The following GSE1 variants were observed in gnomAD, a reference collection of about 807,000 sequenced individuals.
GSE1 encodes the protein genetic suppressor element 1.
Under a neutral mutation model 112.6 loss-of-function variants are expected in GSE1, and 32 were observed. The observed-to-expected ratio is 0.28, with a 90% CI of 0.21 to 0.38. The LOEUF is 0.38. Ranked by LOEUF, GSE1 falls within the 10% of genes least tolerant of loss-of-function variation. GSE1 has a pLI of 1.00. For synonymous variants in GSE1, 1,115 were observed against 735.6 expected (o/e 1.52, Z -8.35); for missense variants, 2,348 against 1,699.2 (o/e 1.38, Z -6.71).
intron 1 of GSE1, among the ~76,000 whole-genome samples, chr16:85,563,742 G>T (rs948180992): frequency 1.3e-5 from 2 of 152,218 alleles, no homozygotes; most frequent in African/African-American, 4.8e-5. Flanking sequence ...GTGGGGTCAG[G>T]AAGTCACGGA....
intron 1 of GSE1, among the ~76,000 whole-genome samples, chr16:85,246,203 A>AC (rs1334812172): frequency 1.9e-4 from 8 of 41,810 alleles, no homozygotes; most frequent in Non-Finnish European, 4.8e-4. Flanking sequence ...GGGACCCTAC[A>AC]CACACACACA....
At chr16:85,416,177 C>T (rs1380249283) in intron 2 of GSE1, among the ~76,000 whole-genome samples, 1 of 152,110 alleles carries the variant, frequency 6.6e-6, no homozygotes, top group African/African-American at 2.4e-5. Flanking sequence ...ATTGACAAGC[C>T]AGATGTATTT....
intron 2 of GSE1, among the ~76,000 whole-genome samples, chr16:85,369,021 C>T (rs1430203448): frequency 1.3e-5 from 2 of 152,142 alleles, no homozygotes; most frequent in Admixed American, 1.3e-4. Flanking sequence ...AAGAAGTCAC[C>T]GTGGACTTGG....
At chr16:85,571,402 C>A (rs1388566334) in intron 1 of GSE1, among the ~76,000 whole-genome samples, 1 of 152,256 alleles carries the variant, frequency 6.6e-6, no homozygotes, top group Non-Finnish European at 1.5e-5. Context: ...CCATCTTGAG[C>A]CCCCAACAGC....
rs1224363892 is a variant in GSE1 at position 85,661,545 on chromosome 16, G to A, written c.2040G>A (p.Lys680=). The part of the protein sequence containing the change: ...GPGPFLAELE[K]STQTILGQQR... Reference sequence around the variant, plus strand: ...GGCCCTTCCTGGCTGAGCTCGAGAAGTCCACCCAGACCATCCTGGGCCAGC... The same window carrying A: ...GGCCCTTCCTGGCTGAGCTCGAGAAATCCACCCAGACCATCCTGGGCCAGC... The change falls in exon 9 of 16, where the codon AAG becomes AAA. Residue 680 remains lysine, a synonymous_variant. Coordinates refer to ENST00000253458, the MANE Select transcript of GSE1 (RefSeq NM_014615.5). 1.9e-6 allele frequency: 3 copies of A among 1,611,902 alleles called. No homozygotes were observed. Among genetic ancestry groups the A allele is most frequent in the East Asian group, 4.5e-5 (2 of 44,860 alleles).
chr16:85,445,175 C>T (rs1193843956), intron 2 of GSE1, among the ~76,000 whole-genome samples: 1 of 152,248 alleles, frequency 6.6e-6, no homozygotes, highest in Non-Finnish European at 1.5e-5. Flanking sequence ...GGGTGCCACA[C>T]ACCTGACTGC....
At chr16:85,619,133 G>A (rs146860026) in intron 1 of GSE1, among the ~76,000 whole-genome samples, 3 of 152,228 alleles carry the variant, frequency 2.0e-5, no homozygotes, top group African/African-American at 7.2e-5. Flanking sequence ...TTTAACAACC[G>A]GAGGTTCTTT....
rs1225358619 is a variant in GSE1 at position 85,675,092 on chromosome 16, C to T, written c.*2553C>T. 1 of 152,250 alleles carries T rather than the reference C, an allele frequency of 6.6e-6. No homozygotes were observed. Among genetic ancestry groups the T allele is most frequent in the Non-Finnish European group, 1.5e-5 (1 of 68,038 alleles). 9.4% of individuals were successfully genotyped at this position (152,250 alleles called of 1,614,324 possible). A position where few individuals can be genotyped will look rare whatever the true frequency, so the allele number is the denominator to read the frequency against. On this transcript the variant is annotated 3_prime_UTR_variant, in exon 16 of 16. Coordinates refer to ENST00000253458, the MANE Select transcript of GSE1 (RefSeq NM_014615.5). ...TTTGAAAACTTACTTTCAGATTATT[C>T]TCAAAGAACACAGTAGCACCTAAAT...
At chr16:85,568,463 C>T (rs2045850667) in intron 1 of GSE1, among the ~76,000 whole-genome samples, 1 of 152,182 alleles carries the variant, frequency 6.6e-6, no homozygotes, top group African/African-American at 2.4e-5. Context: ...ATGGGAGTGC[C>T]TTTTAGGGAG....
chr16:85,559,904 G>A (rs984431069), intron 1 of GSE1, among the ~76,000 whole-genome samples: 3 of 152,086 alleles, frequency 2.0e-5, no homozygotes, highest in Non-Finnish European at 2.9e-5. Flanking sequence ...GACTGGCCAC[G>A]CCTAAAATCT....
rs927498797 is a variant in GSE1 at position 85,305,162 on chromosome 16, G to A, written c.2284-52301G>A. On this transcript the variant is annotated intron_variant, in intron 1 of 2. Transcript: ENST00000637419. Reference sequence around the variant, plus strand: ...CCATCTCCAGATTCCCCACCCCCATGACTGGAGCAGGGTCTACACGTGAGA... The same window carrying A: ...CCATCTCCAGATTCCCCACCCCCATAACTGGAGCAGGGTCTACACGTGAGA... 3.7e-4 allele frequency among the ~76,000 whole-genome samples: 56 copies of A among 152,214 alleles called. 1 individual carries two copies. Among genetic ancestry groups the A allele is most frequent in the Admixed American group, 3.9e-4 (6 of 15,282 alleles).
At chr16:85,199,253 C>T (rs548792382) in intron 1 of GSE1, among the ~76,000 whole-genome samples, 34 of 152,136 alleles carry the variant, frequency 2.2e-4, no homozygotes, top group African/African-American at 7.0e-4. Context: ...CACCGTGCCC[C>T]GCCTGTATAT....
chr16:85,614,409 C>T (rs537902861), intron 1 of GSE1, among the ~76,000 whole-genome samples: 4 of 152,260 alleles, frequency 2.6e-5, no homozygotes, highest in Non-Finnish European at 5.9e-5. Context: ...CGCCCGCCCA[C>T]CCCCAGCTTT....
At position 85,666,295 on chromosome 16, in the gene GSE1, G is replaced by A. The variant is rs2052854804; in HGVS notation, c.3078G>A (p.Gln1026=). ...EPFVAEEFAH[Q]FHESVLQSTQ... ...TTGTGGCAGAAGAGTTTGCACATCA[G>A]TTCCACGAGTCAGTGCTGCAGTCCA... The change falls in exon 13 of 16, where the codon CAG becomes CAA. Residue 1026 remains glutamine, a synonymous_variant. Transcript: ENST00000253458. The A allele has an allele frequency of 1.2e-6, 2 of 1,613,790 alleles. No individual in the cohort carries two copies. Among genetic ancestry groups the A allele is most frequent in the Admixed American group, 1.7e-5 (1 of 60,014 alleles).
chr16:85,547,338 G>C (rs550809209), intron 2 of GSE1, among the ~76,000 whole-genome samples: 1 of 152,206 alleles, frequency 6.6e-6, no homozygotes, highest in African/African-American at 2.4e-5. Flanking sequence ...CCATGTGTCA[G>C]CGGGGCCATG....
At chr16:85,637,219 C>T (rs2050076311) in intron 2 of GSE1, among the ~76,000 whole-genome samples, 1 of 152,228 alleles carries the variant, frequency 6.6e-6, no homozygotes, top group African/African-American at 2.4e-5. Flanking sequence ...TGCTTTCTGC[C>T]TCTGTAGATG....
At chr16:85,354,969 G>C (rs2046922198) in intron 1 of GSE1, among the ~76,000 whole-genome samples, 2 of 152,258 alleles carry the variant, frequency 1.3e-5, no homozygotes, top group South Asian at 4.1e-4. Flanking sequence ...GTGGATGAAT[G>C]AATCAAGTGT....
chr16:85,448,274 C>T (rs2049570049), intron 2 of GSE1, among the ~76,000 whole-genome samples: 1 of 152,242 alleles, frequency 6.6e-6, no homozygotes, highest in South Asian at 2.1e-4. Flanking sequence ...TGGGGTACAG[C>T]TGGGCTTCGG....
intron 1 of GSE1, among the ~76,000 whole-genome samples, chr16:85,355,949 C>T (rs142911004): frequency 2.8e-4 from 42 of 152,292 alleles, no homozygotes; most frequent in African/African-American, 9.4e-4. Context: ...ATCACTTGAA[C>T]ACAGGAGGTG....
Sources: gnomAD v4.1 joint callset for allele counts (sites outside exome capture counted in the v4.1 genomes callset) on GRCh38, gnomAD v4.1.1 for gene constraint, MANE v1.5 for transcripts, NCBI Gene and HGNC (gene_info 2026-07-23, HGNC 2026-07-21) for gene names.